The following UCHL3 variants were observed in gnomAD, a reference collection of about 807,000 sequenced individuals.
UCHL3 encodes ubiquitin C-terminal hydrolase L3.
Under a neutral mutation model 35.8 loss-of-function variants are expected in UCHL3, and 22 were observed. The ratio of observed to expected loss-of-function variants is 0.61; its 90% confidence interval spans 0.44 to 0.88. The LOEUF (loss-of-function observed/expected upper bound fraction) is 0.88. Among genes scored for constraint, UCHL3 ranks in the 40% least tolerant of loss-of-function variants. The pLI is 0.00. For synonymous variants in UCHL3, 90 were observed against 92.8 expected (o/e 0.97, Z 0.17); for missense variants, 229 against 276.9 (o/e 0.83, Z 1.23).
intron 7 of UCHL3, among the ~76,000 whole-genome samples, chr13:75,597,728 A>C (rs1400569935): frequency 6.6e-6 from 1 of 152,198 alleles, no homozygotes; most frequent in Non-Finnish European, 1.5e-5. Context: ...AGTCCCCCAC[A>C]GATATGGAGA....
Position 75,605,826 on chromosome 13 carries a change from G to T in UCHL3, c.*14G>T. ...TCTGCAGCATAGCTTGTCAATAATG[G>T]AAACACCAAAAACTGTATTATTTGC... On this transcript the variant is annotated 3_prime_UTR_variant, in exon 9 of 9. Transcript: ENST00000377595. 1 of 1,612,768 alleles carries T rather than the reference G, an allele frequency of 6.2e-7. No homozygotes were observed. Among genetic ancestry groups the T allele is most frequent in the South Asian group, 1.1e-5 (1 of 90,944 alleles).
In UCHL3 at chr13:75,559,539, GC is replaced by G. The variant is rs141254050; in HGVS notation, c.55-1211del. Among the ~76,000 whole-genome samples the G allele has an allele frequency of 4.9e-3, 747 of 152,300 alleles. 6 individuals carry two copies. The highest frequency in any genetic ancestry group is 0.017 in the African/African-American group (712 of 41,556). On this transcript the variant is annotated intron_variant, in intron 2 of 8. Transcript: ENST00000377595. ...GAGAAATGAAGGGATAAGGATAGTT[GC>G]CCTTTAAACAGGAAGGTCTTGTCTT...
rs537945135 is a variant in UCHL3 at position 75,576,501 on chromosome 13, C to T, written c.474+6994C>T. On this transcript the variant is annotated intron_variant, in intron 6 of 8. Coordinates refer to ENST00000377595, the MANE Select transcript of UCHL3 (RefSeq NM_006002.5). ...TCCCAAGTAGCTGGGACTACAGGCG[C>T]GTGCCACCACACCCAGCTAATTTTT... Among the ~76,000 whole-genome samples the T allele has an allele frequency of 7.1e-4, 108 of 151,736 alleles. 1 individual carries two copies. The highest frequency in any genetic ancestry group is 2.2e-3 in the African/African-American group (92 of 41,358).
intron 6 of UCHL3, among the ~76,000 whole-genome samples, chr13:75,592,453 T>TATGTATATAC (rs1566228197): frequency 9.8e-6 from 1 of 102,186 alleles, no homozygotes; most frequent in South Asian, 3.1e-4. Context: ...TATATATATA[T>TATGTATATAC]ATATATATAT....
In UCHL3 at chr13:75,565,905, G is replaced by A. The variant is rs79358332; in HGVS notation, c.184-790G>A. On this transcript the variant is annotated intron_variant, in intron 3 of 8. Coordinates refer to ENST00000377595, the MANE Select transcript of UCHL3 (RefSeq NM_006002.5). The stretch of plus-strand genomic sequence containing the variant: ...CAGCTAATAACAGCTGAGCCAGGAC[G>A]TGGGCCCAGGCAGTCAGCTATAGAG... Among the ~76,000 whole-genome samples the A allele has an allele frequency of 1.2e-3, 190 of 152,312 alleles. 1 individual carries two copies. In the East Asian group the frequency reaches 0.026, roughly 21 times the overall value.
chr13:75,550,837 G>A (rs2031075382), intron 2 of UCHL3, among the ~76,000 whole-genome samples: 1 of 150,628 alleles, frequency 6.6e-6, no homozygotes, highest in Non-Finnish European at 1.5e-5. Flanking sequence ...AATTCACCGT[G>A]TTCTTAAAAA....
chr13:75,555,434 A>G (rs2031261492), intron 2 of UCHL3, among the ~76,000 whole-genome samples: 1 of 152,208 alleles, frequency 6.6e-6, no homozygotes, highest in African/African-American at 2.4e-5. Flanking sequence ...GAAGTATGAG[A>G]ACGGTGCCAG....
chr13:75,564,568 A>G (rs562709870), intron 3 of UCHL3, among the ~76,000 whole-genome samples: 15 of 152,252 alleles, frequency 9.9e-5, no homozygotes, highest in African/African-American at 3.4e-4. Flanking sequence ...AGAAATCTCC[A>G]TACTGTTTTT....
chr13:75,562,706 G>C (rs1290223056), intron 3 of UCHL3, among the ~76,000 whole-genome samples: 1 of 152,012 alleles, frequency 6.6e-6, no homozygotes, highest in African/African-American at 2.4e-5. Context: ...CATTAAAAAG[G>C]CATATTATCC....
rs1222494188 is a variant in UCHL3, at chr13:75,566,819, C to A, written c.308C>A (p.Ala103Asp). ...NACGTIGLIHAIANNKDKMHF... is the reference protein window; with the variant it reads ...NACGTIGLIHDIANNKDKMHF... ...TGTGGAACAATTGGACTGATTCATG[C>A]TATTGCAAACAATAAAGACAAGATG... The change falls in exon 4 of 9, where the codon GCT becomes GAT. Residue 103 changes from alanine to aspartate, a missense_variant. Coordinates refer to ENST00000377595, the MANE Select transcript of UCHL3 (RefSeq NM_006002.5). The A allele has an allele frequency of 1.2e-6, 2 of 1,602,978 alleles. No individual in the cohort carries two copies. Among genetic ancestry groups the A allele is most frequent in the Non-Finnish European group, 1.7e-6 (2 of 1,176,872 alleles).
chr13:75,571,584 T>G (rs566176925), intron 6 of UCHL3, among the ~76,000 whole-genome samples: 8 of 152,334 alleles, frequency 5.3e-5, no homozygotes, highest in Admixed American at 2.0e-4. Flanking sequence ...TTTATGCAGA[T>G]TCTCAGTTTT....
At position 75,590,172 on chromosome 13, in the gene UCHL3, GCTGT is replaced by G. The variant is rs576793274; in HGVS notation, c.475-4740_475-4737del. ...TCCGTCTCTTCTTCCAGTGACAAGGGCTGTCTTTTTTTTTTTTTTTTCTTAACTT... is the reference window on the plus strand; with the variant it reads ...TCCGTCTCTTCTTCCAGTGACAAGGGCTTTTTTTTTTTTTTTTCTTAACTT... On this transcript the variant is annotated intron_variant, in intron 6 of 8. Transcript: ENST00000377595. 1.4e-3 allele frequency: 1,673 copies of G among 1,221,806 alleles called. 14 individuals are homozygous for G. In the African/African-American group the frequency reaches 0.026, roughly 19 times the overall value. The allele number at this position is 1,221,806 out of a possible 1,614,324, so 75.7% of individuals were successfully genotyped here.
chr13:75,600,468 C>G (rs930086242), intron 7 of UCHL3, among the ~76,000 whole-genome samples: 5 of 152,176 alleles, frequency 3.3e-5, no homozygotes, highest in Admixed American at 6.5e-5. Flanking sequence ...AGCCAATGAT[C>G]ATTTGATATT....
chr13:75,581,342 G>A (rs2032176966), intron 6 of UCHL3, among the ~76,000 whole-genome samples: 1 of 127,622 alleles, frequency 7.8e-6, no homozygotes, highest in Non-Finnish European at 1.7e-5. Flanking sequence ...CTAAACACTT[G>A]ATTTCTTTTT....
chr13:75,552,435 G>A (rs9593095), intron 2 of UCHL3, among the ~76,000 whole-genome samples: 3,595 of 152,272 alleles, frequency 0.024, 153 homozygotes, highest in African/African-American at 0.081. Flanking sequence ...TATAATCAAT[G>A]TGAGCAAATA....
intron 5 of UCHL3, among the ~76,000 whole-genome samples, chr13:75,568,927 G>A (rs942193790): frequency 2.0e-5 from 3 of 152,134 alleles, no homozygotes; most frequent in Admixed American, 1.3e-4. Context: ...TTTGCAAATA[G>A]TGGGTACTAT....
At chr13:75,555,830 C>T (rs1447014002) in intron 2 of UCHL3, among the ~76,000 whole-genome samples, 1 of 152,172 alleles carries the variant, frequency 6.6e-6, no homozygotes, top group African/African-American at 2.4e-5. Context: ...TGGGGTCAAA[C>T]AATTCTGCCA....
Position 75,560,875 on chromosome 13 carries a change from A to C in UCHL3, c.177A>C (p.Thr59=). The C allele has an allele frequency of 6.6e-7, 1 of 1,513,374 alleles. No individual in the cohort carries two copies. Among genetic ancestry groups the C allele is most frequent in the Non-Finnish European group, 8.8e-7 (1 of 1,139,046 alleles). The allele number at this position is 1,513,374 out of a possible 1,614,324, so 93.7% of individuals were successfully genotyped here. A position where few individuals can be genotyped will look rare whatever the true frequency, so the allele number is the denominator to read the frequency against. The stretch of plus-strand genomic sequence containing the variant: ...CAGTCTTACTTCTCTTTCCTATTAC[A>C]GAAAAGGTAATTGTTATGTAAAATA... The part of the protein sequence containing the change: ...VCAVLLLFPI[T]EKYEVFRTEE... The change falls in exon 3 of 9, where the codon ACA becomes ACC. Residue 59 remains threonine (T), a synonymous_variant. Transcript: ENST00000377595.
At chr13:75,587,918 CA>C (rs2032371167) in intron 6 of UCHL3, among the ~76,000 whole-genome samples, 1 of 152,148 alleles carries the variant, frequency 6.6e-6, no homozygotes, top group Admixed American at 6.6e-5. Flanking sequence ...TCTCTTGTAA[CA>C]CAGCCTATTC....
Sources: allele counts gnomAD v4.1 joint callset (sites outside exome capture counted in the v4.1 genomes callset), GRCh38; gene constraint gnomAD v4.1.1; transcripts MANE v1.5; gene names NCBI Gene and HGNC (gene_info 2026-07-23, HGNC 2026-07-21).